Variants in CACNA2D1 observed in about 807,000 individuals in gnomAD.
The protein encoded by CACNA2D1 is voltage-dependent calcium channel subunit alpha-2/delta-1.
In CACNA2D1, 53 loss-of-function variants were observed where a neutral mutation model predicts 171.5. That is an observed-to-expected ratio of 0.31 (90% confidence interval 0.25 to 0.39). The LOEUF (loss-of-function observed/expected upper bound fraction) is 0.39, where lower values mean the gene tolerates loss of function less well. Among genes scored for constraint, CACNA2D1 ranks in the 10% least tolerant of loss-of-function variants. The pLI, the probability that CACNA2D1 is intolerant of heterozygous loss-of-function variation, is 1.00. For synonymous variants in CACNA2D1, 442 were observed against 443.1 expected, an observed-to-expected ratio of 1.00 and a Z score of 0.03; for missense variants, 903 against 1,299.8, an observed-to-expected ratio of 0.69 and a Z score of 4.69.
intron 3 of CACNA2D1, among the ~76,000 whole-genome samples, chr7:82,263,190 C>T (rs1807361192): frequency 6.8e-6 from 1 of 146,054 alleles, no homozygotes; most frequent in African/African-American, 2.6e-5. Flanking sequence ...CTCACTGCAA[C>T]CTCTGCCTCT....
intron 10 of CACNA2D1, among the ~76,000 whole-genome samples, chr7:82,051,667 TCC>T (rs1805211900): frequency 6.6e-6 from 1 of 152,166 alleles, no homozygotes; most frequent in Non-Finnish European, 1.5e-5. Flanking sequence ...TTGTCTGCAA[TCC>T]ATATACATTT....
At position 82,124,371 on chromosome 7, in the gene CACNA2D1, C is replaced by G. The variant is rs542995637; in HGVS notation, c.397-7198G>C. Among the ~76,000 whole-genome samples, 197 of 152,236 alleles carry G rather than the reference C, an allele frequency of 1.3e-3. 2 individuals are homozygous for G. The highest frequency in any genetic ancestry group is 6.8e-3 in the Middle Eastern group (2 of 294). On this transcript the variant is annotated intron_variant, in intron 5 of 38. Transcript: ENST00000356860. ...AAAATGGAAAGTACCTCTGATTGGT[C>G]CCCTCCCACAACCAATCAGACTGGT...
intron 6 of CACNA2D1, among the ~76,000 whole-genome samples, chr7:82,096,730 T>A (rs1205720252): frequency 6.7e-6 from 1 of 149,552 alleles, no homozygotes; most frequent in Non-Finnish European, 1.5e-5. Flanking sequence ...CACAAAAGAG[T>A]ATTGTGACAG....
At chr7:82,405,254 AT>A (rs1028526827) in intron 1 of CACNA2D1, among the ~76,000 whole-genome samples, 3 of 152,182 alleles carry the variant, frequency 2.0e-5, no homozygotes, top group Non-Finnish European at 4.4e-5. Context: ...ACATAAAAAA[AT>A]AGATGGTTAA....
intron 4 of CACNA2D1, among the ~76,000 whole-genome samples, chr7:82,139,257 A>G (rs1392864446): frequency 6.6e-6 from 1 of 152,206 alleles, no homozygotes; most frequent in East Asian, 1.9e-4. Context: ...AATAAAATAT[A>G]AATAAATAAT....
chr7:82,053,473 CAA>C (rs1444664989), intron 10 of CACNA2D1, among the ~76,000 whole-genome samples: 27 of 151,588 alleles, frequency 1.8e-4, no homozygotes, highest in Admixed American at 1.2e-3. Context: ...TAAAATTAAA[CAA>C]AAGTGTACAG....
chr7:82,236,738 G>A (rs1401695617), intron 3 of CACNA2D1, among the ~76,000 whole-genome samples: 1 of 151,894 alleles, frequency 6.6e-6, no homozygotes, highest in Admixed American at 6.6e-5. Flanking sequence ...CCTATAACTT[G>A]ATATAACAAA....
intron 10 of CACNA2D1, chr7:82,051,173 T>C (rs1276315367): frequency 2.6e-5 from 4 of 154,272 alleles, no homozygotes; most frequent in African/African-American, 4.8e-5. Flanking sequence ...ATTGTTTATA[T>C]AGACAAATAA....
chr7:82,015,871 C>T (rs1481654281), intron 12 of CACNA2D1, among the ~76,000 whole-genome samples: 2 of 152,164 alleles, frequency 1.3e-5, no homozygotes, highest in African/African-American at 4.8e-5. Context: ...ACAATCCCTG[C>T]CCCCAAAACG....
At chr7:82,293,935 T>C (rs1334015334) in intron 3 of CACNA2D1, among the ~76,000 whole-genome samples, 2 of 152,156 alleles carry the variant, frequency 1.3e-5, no homozygotes, top group Non-Finnish European at 2.9e-5. Flanking sequence ...CTTAGCTTTT[T>C]GCTCTTTCTG....
chr7:82,443,750 A>T lies in CACNA2D1; in HGVS notation c.-291T>A. Reference sequence around the variant, plus strand: ...GCGACTTTGGAAACAGACCTCGGCGAGCCCGCCGGCGCTCGCGCGCTCTCG... The same window carrying T: ...GCGACTTTGGAAACAGACCTCGGCGTGCCCGCCGGCGCTCGCGCGCTCTCG... On this transcript the variant is annotated 5_prime_UTR_variant, in exon 1 of 39. Coordinates refer to ENST00000356860, the MANE Select transcript of CACNA2D1 (RefSeq NM_000722.4). The T allele has an allele frequency of 1.7e-6, 2 of 1,189,304 alleles. No individual in the cohort carries two copies. The highest frequency in any genetic ancestry group is 2.1e-6 in the Non-Finnish European group (2 of 949,926). 73.7% of individuals were successfully genotyped at this position (1,189,304 alleles called of 1,614,324 possible). A position where few individuals can be genotyped will look rare whatever the true frequency, so the allele number is the denominator to read the frequency against.
intron 1 of CACNA2D1, among the ~76,000 whole-genome samples, chr7:82,372,509 C>T (rs1822522541): frequency 6.6e-6 from 1 of 151,998 alleles, no homozygotes; most frequent in Non-Finnish European, 1.5e-5. Context: ...AATTCGTTCT[C>T]TAATAAGTCA....
chr7:82,246,178 G>T (rs768879025), intron 3 of CACNA2D1, among the ~76,000 whole-genome samples: 2 of 150,950 alleles, frequency 1.3e-5, no homozygotes, highest in South Asian at 2.1e-4. Context: ...TCTATAGCCC[G>T]CTCAGTTAAT....
chr7:82,311,407 A>C (rs1239748024), intron 3 of CACNA2D1, among the ~76,000 whole-genome samples: 1 of 152,118 alleles, frequency 6.6e-6, no homozygotes, highest in African/African-American at 2.4e-5. Context: ...TTGCTAACCT[A>C]GTATCAAGCA....
chr7:82,202,896 G>T (rs1200883216), intron 3 of CACNA2D1, among the ~76,000 whole-genome samples: 1 of 152,190 alleles, frequency 6.6e-6, no homozygotes, highest in East Asian at 1.9e-4. Context: ...TGACAGATGT[G>T]GATAGATTTG....
intron 4 of CACNA2D1, among the ~76,000 whole-genome samples, chr7:82,145,626 A>G (rs982052077): frequency 1.4e-5 from 2 of 143,794 alleles, no homozygotes; most frequent in Admixed American, 7.1e-5. Context: ...TTATAAAATT[A>G]CATATAAAAA....
intron 10 of CACNA2D1, among the ~76,000 whole-genome samples, chr7:82,047,186 C>T (rs996106687): frequency 6.6e-6 from 1 of 152,102 alleles, no homozygotes; most frequent in Admixed American, 6.6e-5. Context: ...CCATCATTCT[C>T]CAGGTACAAT....
chr7:82,311,282 T>C (rs983273354), intron 3 of CACNA2D1, among the ~76,000 whole-genome samples: 18 of 151,994 alleles, frequency 1.2e-4, no homozygotes, highest in African/African-American at 4.3e-4. Flanking sequence ...TGGAAAAGAC[T>C]ACAAGTATTC....
chr7:81,959,963 G>T, intron 36 of CACNA2D1, 134 bp from the exon 37 acceptor site: 2 of 1,352,298 alleles, frequency 1.5e-6, no homozygotes, highest in Non-Finnish European at 2.0e-6. Context: ...CAGCACAATA[G>T]GAGTATGATT....
Sources: allele counts gnomAD v4.1 joint callset (sites outside exome capture counted in the v4.1 genomes callset), GRCh38; gene constraint gnomAD v4.1.1; transcripts MANE v1.5; gene names NCBI Gene and HGNC (gene_info 2026-07-23, HGNC 2026-07-21).